The following ADAMTS9 variants were observed in gnomAD, a reference collection of about 807,000 sequenced individuals.
ADAMTS9 encodes the protein ADAM metallopeptidase with thrombospondin type 1 motif 9, also known as A disintegrin and metalloproteinase with thrombospondin motifs 9.
In ADAMTS9, 107 loss-of-function variants were observed where a neutral mutation model predicts 257.1. The ratio of observed to expected loss-of-function variants is 0.42; its 90% CI spans 0.36 to 0.49. The LOEUF is 0.49. ADAMTS9 is among the 20% of genes least tolerant of loss of function. ADAMTS9 has a pLI of 0.03. For synonymous variants in ADAMTS9, 982 were observed against 880.9 expected (o/e 1.11, Z -2.03); for missense variants, 2,353 against 2,469.1 (o/e 0.95, Z 1.00).
At chr3:64,572,034 T>G (rs2083698436) in intron 28 of ADAMTS9, among the ~76,000 whole-genome samples, 1 of 149,952 alleles carries the variant, frequency 6.7e-6, no homozygotes, top group Admixed American at 6.8e-5. Flanking sequence ...GAATATTTAA[T>G]TCCTCAAATT....
intron 3 of ADAMTS9, among the ~76,000 whole-genome samples, chr3:64,669,681 T>G (rs6793277): frequency 0.31 from 46,489 of 151,908 alleles, 7,942 homozygotes; most frequent in African/African-American, 0.47. Context: ...TGTCAGAAAG[T>G]GTATGGATGA....
At chr3:64,527,990 T>C (rs980332809) in intron 38 of ADAMTS9, among the ~76,000 whole-genome samples, 1 of 152,362 alleles carries the variant, frequency 6.6e-6, no homozygotes, top group East Asian at 1.9e-4. Flanking sequence ...ATCTCTTCTA[T>C]GGTAACACAA....
intron 37 of ADAMTS9, among the ~76,000 whole-genome samples, chr3:64,537,259 T>C (rs1448904695): frequency 6.6e-6 from 1 of 152,200 alleles, no homozygotes; most frequent in African/African-American, 2.4e-5. Flanking sequence ...TCTGAATTAT[T>C]AAAATAAATG....
rs534660238 is a variant in ADAMTS9 at position 64,687,219 on chromosome 3, T to C, written c.116-251A>G. On this transcript the variant is annotated intron_variant, in intron 1 of 39. Transcript: ENST00000498707. This position sits in a 1 kb window ranked among gnomAD's most constrained non-coding sequence, Gnocchi z 4.4. ...GTCAAAATATATATGATTTCAGATA[T>C]TGATAAATAACCTGAATAAAATAAA... Among the ~76,000 whole-genome samples the C allele has an allele frequency of 1.3e-3, 199 of 152,284 alleles. 6 individuals are homozygous for C. The South Asian group carries it at 0.04, about 31-fold the overall frequency.
At chr3:64,626,836 C>G (rs754510730) in intron 16 of ADAMTS9, among the ~76,000 whole-genome samples, 2 of 152,172 alleles carry the variant, frequency 1.3e-5, no homozygotes, top group East Asian at 1.9e-4. Context: ...AGCCAAATGA[C>G]TCTTTCTCAG....
intron 26 of ADAMTS9, 101 bp downstream of exon 26, chr3:64,601,843 T>C (rs970837906): frequency 1.8e-5 from 26 of 1,406,832 alleles, no homozygotes; most frequent in Admixed American, 4.8e-5. Flanking sequence ...TGTCAATCCC[T>C]TGTAAAGAAA....
rs1325831641 is a variant in ADAMTS9, at chr3:64,622,263, T to C, written c.2621A>G (p.Asp874Gly). The change falls in exon 18 of 40, where the codon GAT (aspartate) becomes GGT (glycine). Residue 874 changes from aspartate to glycine, a missense_variant. By Grantham distance (94) the Asp-to-Gly change is moderately conservative. This residue lies in a region of ADAMTS9 where 1,402 missense variants were observed against 1,441.4 expected (regional missense o/e 0.97). Transcript: ENST00000498707. ...GTTCCAGTAAAACTGCTGAGGTTTA[T>C]CTTCAATTGGAATATTGAAAGAATA... ...VRYSFNIPIE[D>G]KPQQFYWNSH... 2 of 1,614,032 alleles carry C rather than the reference T, an allele frequency of 1.2e-6. No homozygotes were observed. The highest frequency in any genetic ancestry group is 1.7e-6 in the Non-Finnish European group (2 of 1,179,970).
At chr3:64,683,594 A>C (rs1206613946) in intron 2 of ADAMTS9, among the ~76,000 whole-genome samples, 1 of 152,214 alleles carries the variant, frequency 6.6e-6, no homozygotes, top group Admixed American at 6.5e-5. Context: ...ATACATATGT[A>C]AACTACTTAC....
intron 30 of ADAMTS9, 130 bp from the exon 31 acceptor site, chr3:64,551,192 T>C: frequency 9.1e-7 from 1 of 1,102,644 alleles, no homozygotes; most frequent in Non-Finnish European, 1.3e-6. Flanking sequence ...GCCAGAGAAC[T>C]TCTCGTTTTT....
intron 16 of ADAMTS9, among the ~76,000 whole-genome samples, chr3:64,627,080 C>A (rs1341284569): frequency 6.6e-6 from 1 of 152,176 alleles, no homozygotes. Flanking sequence ...AGCTACCCAG[C>A]TGATGTCTTG....
intron 30 of ADAMTS9, among the ~76,000 whole-genome samples, chr3:64,560,152 C>G (rs1576017441): frequency 2.6e-5 from 4 of 152,142 alleles, no homozygotes; most frequent in Admixed American, 1.3e-4. Flanking sequence ...ATCAAGAATC[C>G]TTGTTCTAAT....
In ADAMTS9 at chr3:64,613,461, G is replaced by A. The variant is rs1209571765; in HGVS notation, c.3238C>T (p.Gln1080Ter). ...TCATTTAATCGATCTTCACCAAACT[G>A]ACACCAGACCTGGCGGTGCTTATGC... ...KGHKHRQVWCQFGEDRLNDRM... is the reference protein window; with the variant it reads ...KGHKHRQVWC Residue 1080 changes from glutamine (Q) to a stop codon, truncating the protein, a stop_gained, in exon 22 of 40, where the codon CAG (glutamine) becomes TAG (stop). Coordinates refer to ENST00000498707, the MANE Select transcript of ADAMTS9 (RefSeq NM_182920.2). LOFTEE classifies it high-confidence loss of function. 1 of 1,613,952 alleles carries A rather than the reference G, an allele frequency of 6.2e-7. No homozygotes were observed. The highest frequency in any genetic ancestry group is 1.1e-5 in the South Asian group (1 of 91,076).
chr3:64,618,853 G>A (rs528910052), intron 19 of ADAMTS9, among the ~76,000 whole-genome samples: 6 of 152,060 alleles, frequency 3.9e-5, no homozygotes, highest in African/African-American at 7.2e-5. Flanking sequence ...TCATGGCTTC[G>A]GGGGTACCTT....
intron 18 of ADAMTS9, 46 bp downstream of exon 18, chr3:64,622,152 A>T (rs748440207): frequency 5.8e-5 from 90 of 1,551,922 alleles, no homozygotes; most frequent in Non-Finnish European, 7.8e-5. Flanking sequence ...ATAAATAAAT[A>T]AAATAAACTT....
intron 25 of ADAMTS9, among the ~76,000 whole-genome samples, chr3:64,603,712 G>C (rs1377180843): frequency 6.6e-6 from 1 of 152,124 alleles, no homozygotes; most frequent in Non-Finnish European, 1.5e-5. Context: ...TCCATTTTTT[G>C]AAATGTGCAT....
At chr3:64,645,657 T>C (rs1447452668) in intron 11 of ADAMTS9, among the ~76,000 whole-genome samples, 1 of 152,238 alleles carries the variant, frequency 6.6e-6, no homozygotes. Context: ...TATTTATATA[T>C]ATCCACATCT....
intron 30 of ADAMTS9, among the ~76,000 whole-genome samples, chr3:64,552,879 C>G (rs2083287662): frequency 6.6e-6 from 1 of 152,126 alleles, no homozygotes; most frequent in Admixed American, 6.6e-5. Context: ...TTTAAAATGT[C>G]TAATTTTAGT....
At chr3:64,637,630 G>T (rs186457447) in intron 12 of ADAMTS9, among the ~76,000 whole-genome samples, 1 of 152,182 alleles carries the variant, frequency 6.6e-6, no homozygotes, top group African/African-American at 2.4e-5. Context: ...CAACTTCTAC[G>T]TTTAGGTACG....
In ADAMTS9 at chr3:64,517,004, C is replaced by A. The variant is rs894032763; in HGVS notation, c.*123G>T. On this transcript the variant is annotated 3_prime_UTR_variant, in exon 40 of 40. Transcript: ENST00000498707. ...ATATGTATATGTACACACATTTACA[C>A]ACACAAGCATACAAGTCACACACAA... is the stretch of plus-strand genomic sequence containing the variant. 2 of 152,420 alleles carry A rather than the reference C, an allele frequency of 1.3e-5. No individual in the cohort carries two copies. The highest frequency in any genetic ancestry group is 4.8e-5 in the African/African-American group (2 of 41,400). The allele number at this position is 152,420 out of a possible 1,614,324, so 9.4% of individuals were successfully genotyped here.
Sources: gnomAD v4.1 joint callset for allele counts (sites outside exome capture counted in the v4.1 genomes callset) on GRCh38, gnomAD v4.1.1 for gene constraint, gnomAD v4.1.1 regional missense constraint, Gnocchi (gnomAD v3.1) non-coding constraint, MANE v1.5 for transcripts, NCBI Gene and HGNC (gene_info 2026-07-23, HGNC 2026-07-21) for gene names.